HNRNPC: variants seen among roughly 807,000 people sequenced by gnomAD.
HNRNPC encodes heterogeneous nuclear ribonucleoprotein C.
HNRNPC carries 3 observed loss-of-function variants against 33.2 expected under a neutral mutation model. That is an observed-to-expected ratio of 0.09 (90% confidence interval 0.04 to 0.23). The LOEUF (loss-of-function observed/expected upper bound fraction) is 0.23, where lower values mean the gene tolerates loss of function less well. HNRNPC is among the 10% of genes least tolerant of loss of function. The pLI, the probability that HNRNPC is intolerant of heterozygous loss-of-function variation, is 1.00. For synonymous variants in HNRNPC, 121 were observed against 126.7 expected (o/e 0.96, Z 0.30); for missense variants, 143 against 366.7 (o/e 0.39, Z 4.98).
intron 1 of HNRNPC, chr14:21,265,230 T>C (rs924664870): frequency 3.3e-5 from 5 of 152,238 alleles, no homozygotes; most frequent in African/African-American, 1.2e-4. Context: ...GTTCTTTTCC[T>C]GTTTATGAAA....
At chr14:21,260,903 C>T (rs1014643945) in intron 2 of HNRNPC, among the ~76,000 whole-genome samples, 1 of 144,850 alleles carries the variant, frequency 6.9e-6, no homozygotes, top group African/African-American at 2.6e-5. Context: ...GTGGAGGTTG[C>T]AGTGACCCAA....
intron 2 of HNRNPC, among the ~76,000 whole-genome samples, chr14:21,259,494 C>T (rs1877807315): frequency 1.3e-5 from 2 of 152,146 alleles, no homozygotes; most frequent in South Asian, 2.1e-4. Flanking sequence ...TTGAATGTTC[C>T]TTGAATACCT....
intron 5 of HNRNPC, among the ~76,000 whole-genome samples, chr14:21,227,183 G>GT (rs1893563218): frequency 1.3e-5 from 2 of 151,934 alleles, no homozygotes; most frequent in South Asian, 4.1e-4. Context: ...AAAAACTCCT[G>GT]TATCTGCCCC....
intron 2 of HNRNPC, among the ~76,000 whole-genome samples, chr14:21,257,528 T>C (rs181924735): frequency 1.6e-4 from 24 of 151,976 alleles, no homozygotes; most frequent in Admixed American, 1.5e-3. Flanking sequence ...AATTTTTTTC[T>C]AACTGAAGTT....
At chr14:21,256,267 G>A (rs1485834052) in intron 2 of HNRNPC, among the ~76,000 whole-genome samples, 1 of 152,066 alleles carries the variant, frequency 6.6e-6, no homozygotes, top group Non-Finnish European at 1.5e-5. Context: ...CCAACATGGT[G>A]CAACCCTGTC....
intron 2 of HNRNPC, among the ~76,000 whole-genome samples, chr14:21,259,893 A>AT (rs918735239): frequency 1.3e-5 from 2 of 150,778 alleles, no homozygotes; most frequent in African/African-American, 4.9e-5. Flanking sequence ...AAAAAAAAAA[A>AT]AAAACAATAA....
At chr14:21,256,428 A>C (rs1269078362) in intron 2 of HNRNPC, among the ~76,000 whole-genome samples, 4 of 152,142 alleles carry the variant, frequency 2.6e-5, no homozygotes, top group African/African-American at 9.6e-5. Context: ...CAGCCTGGGC[A>C]AAGAGAGCAA....
intron 2 of HNRNPC, among the ~76,000 whole-genome samples, chr14:21,237,594 A>C (rs1025690847): frequency 6.6e-6 from 1 of 152,198 alleles, no homozygotes; most frequent in Non-Finnish European, 1.5e-5. Flanking sequence ...TGCTTAAACA[A>C]TACCATTTCT....
chr14:21,260,429 A>G (rs955436268), intron 2 of HNRNPC, among the ~76,000 whole-genome samples: 11 of 151,582 alleles, frequency 7.3e-5, no homozygotes, highest in African/African-American at 2.7e-4. Context: ...TAAATTTATA[A>G]ATTTAAAGTT....
At chr14:21,238,901 C>A (rs987600398) in intron 2 of HNRNPC, among the ~76,000 whole-genome samples, 2 of 151,966 alleles carry the variant, frequency 1.3e-5, no homozygotes, top group Non-Finnish European at 2.9e-5. Flanking sequence ...CTGAGGCAGG[C>A]AGTTCACATC....
At chr14:21,244,762 T>A (rs1895768680) in intron 2 of HNRNPC, among the ~76,000 whole-genome samples, 1 of 152,188 alleles carries the variant, frequency 6.6e-6, no homozygotes, top group Non-Finnish European at 1.5e-5. Flanking sequence ...CTAGCCTGTA[T>A]CGTATAGCCT....
At chr14:21,265,286 C>T (rs948974250) in intron 1 of HNRNPC, 1 of 152,082 alleles carries the variant, frequency 6.6e-6, no homozygotes, top group Admixed American at 6.5e-5. Context: ...GAGCCACAGC[C>T]CAAACCTGGT....
chr14:21,268,270 G>T (rs1203517400), intron 1 of HNRNPC, among the ~76,000 whole-genome samples: 2 of 152,040 alleles, frequency 1.3e-5, no homozygotes, highest in Non-Finnish European at 1.5e-5. Flanking sequence ...GTGAATTTTT[G>T]CCCACATTTA....
In HNRNPC at chr14:21,227,107, A is replaced by C. The variant is rs552124227; in HGVS notation, c.365+3212T>G. On this transcript the variant is annotated intron_variant, in intron 5 of 8. Transcript: ENST00000553300. ...ATTAATACCATTTTTCTAAGTTGTT[A>C]TTCCACCAGGTCATACCCAACCTAT... 1.1e-4 allele frequency among the ~76,000 whole-genome samples: 16 copies of C among 152,212 alleles called. 1 individual carries two copies. Among genetic ancestry groups the C allele is most frequent in the African/African-American group, 3.6e-4 (15 of 41,488 alleles).
chr14:21,245,492 G>A (rs539616818), intron 2 of HNRNPC, among the ~76,000 whole-genome samples: 1 of 143,834 alleles, frequency 7.0e-6, no homozygotes, highest in South Asian at 2.1e-4. Flanking sequence ...CGAGACTGTC[G>A]CCAAAAAAAA....
chr14:21,220,860 G>A (rs1422535680), intron 5 of HNRNPC, among the ~76,000 whole-genome samples: 2 of 151,744 alleles, frequency 1.3e-5, no homozygotes, highest in East Asian at 3.9e-4. Context: ...TATTGGCCAG[G>A]CCCAGTGGCT....
At chr14:21,223,405 C>T (rs1202707527) in intron 5 of HNRNPC, among the ~76,000 whole-genome samples, 1 of 152,026 alleles carries the variant, frequency 6.6e-6, no homozygotes, top group Non-Finnish European at 1.5e-5. Flanking sequence ...GAGTCTAGGA[C>T]ACAATAAGAA....
intron 1 of HNRNPC, among the ~76,000 whole-genome samples, chr14:21,267,214 A>C (rs981327102): frequency 5.3e-5 from 8 of 152,012 alleles, no homozygotes; most frequent in South Asian, 2.1e-4. Context: ...AAATTCAAAT[A>C]GGTTTTAAAA....
chr14:21,225,379 C>A (rs1893304750), intron 5 of HNRNPC, among the ~76,000 whole-genome samples: 2 of 151,682 alleles, frequency 1.3e-5, no homozygotes, highest in African/African-American at 4.9e-5. Context: ...TTGCAGTGAG[C>A]CGAGATCGAG....
Sources: allele counts gnomAD v4.1 joint callset (sites outside exome capture counted in the v4.1 genomes callset), GRCh38; gene constraint gnomAD v4.1.1; transcripts MANE v1.5; gene names NCBI Gene and HGNC (gene_info 2026-07-23, HGNC 2026-07-21).